Variants in AMTN observed in about 807,000 individuals in gnomAD.
The protein encoded by AMTN is amelotin, also known as RSTI689.
Under a neutral mutation model 27.4 loss-of-function variants are expected in AMTN, and 29 were observed. That is an observed-to-expected ratio of 1.06 (90% CI 0.79 to 1.44). AMTN has a LOEUF of 1.44. AMTN is among the 40% of genes most tolerant of loss of function. The probability of loss-of-function intolerance (pLI) is 0.00; values close to 1 mark genes in which losing one functional copy is unlikely to be tolerated. For missense variants in AMTN, 247 were observed against 248.8 expected, an observed-to-expected ratio of 0.99 and a Z score of 0.05; for synonymous variants, 86 against 95.7, an observed-to-expected ratio of 0.90 and a Z score of 0.59.
intron 2 of AMTN, among the ~76,000 whole-genome samples, chr4:70,520,077 G>A (rs1431913164): frequency 7.0e-6 from 1 of 143,106 alleles, no homozygotes; most frequent in African/African-American, 2.6e-5. Flanking sequence ...CTTCAAAATA[G>A]TTTCTCTAGT....
rs1288491823 is a variant in AMTN at position 70,532,390 on chromosome 4, G to C, written c.620-65G>C. ...CCTGCAAAAGAAACTTGGATCTCAA[G>C]TAAAAGATATTTATGTTAAATATAC... On this transcript the variant is annotated intron_variant, in intron 8 of 8. Transcript: ENST00000339336. 8.2e-6 allele frequency: 11 copies of C among 1,336,084 alleles called. 1 individual carries two copies. The Admixed American group carries it at 1.8e-4, about 22-fold the overall frequency. 82.8% of individuals were successfully genotyped at this position (1,336,084 alleles called of 1,614,324 possible).
intron 5 of AMTN, among the ~76,000 whole-genome samples, chr4:70,527,010 C>G (rs1372493629): frequency 6.6e-6 from 1 of 152,126 alleles, no homozygotes; most frequent in African/African-American, 2.4e-5. Context: ...AAAAATGAAC[C>G]ATGCTTGTGA....
chr4:70,523,540 T>C (rs1169684917), intron 3 of AMTN, among the ~76,000 whole-genome samples: 1 of 152,192 alleles, frequency 6.6e-6, no homozygotes, highest in African/African-American at 2.4e-5. Flanking sequence ...TCTTATACAA[T>C]TTGGGAACCT....
rs10645813 is a variant in AMTN, at chr4:70,519,913, C to CGTGTGT, written c.54+1097_54+1102dup. The stretch of plus-strand genomic sequence containing the variant: ...CTTTATCCCAAATACATACTACATA[C>CGTGTGT]GTGTGTGTGTGTGTGTGTGTCTGTG... On this transcript the variant is annotated intron_variant, in intron 2 of 8. Coordinates refer to ENST00000339336, the MANE Select transcript of AMTN (RefSeq NM_212557.4). Among the ~76,000 whole-genome samples, 224 of 147,194 alleles carry CGTGTGT rather than the reference C, an allele frequency of 1.5e-3. 2 individuals carry two copies. The highest frequency in any genetic ancestry group is 2.4e-3 in the Admixed American group (36 of 14,802).
At chr4:70,519,449 G>A (rs561045842) in intron 2 of AMTN, among the ~76,000 whole-genome samples, 1 of 152,112 alleles carries the variant, frequency 6.6e-6, no homozygotes, top group African/African-American at 2.4e-5. Flanking sequence ...CTCTTTGACT[G>A]TTCAAGATGG....
chr4:70,520,768 G>A (rs1735935539), intron 2 of AMTN, among the ~76,000 whole-genome samples: 1 of 152,122 alleles, frequency 6.6e-6, no homozygotes, highest in African/African-American at 2.4e-5. Context: ...GCAGGCTGGT[G>A]GTGCACAGTG....
At chr4:70,520,808 G>C (rs1164455099) in intron 2 of AMTN, among the ~76,000 whole-genome samples, 5 of 152,188 alleles carry the variant, frequency 3.3e-5, no homozygotes, top group Non-Finnish European at 7.3e-5. Context: ...GTTCAGGACA[G>C]CAGTCAGGTT....
chr4:70,524,731 G>C, intron 4 of AMTN, 141 bp from the exon 5 acceptor site: 1 of 759,900 alleles, frequency 1.3e-6, no homozygotes, highest in Non-Finnish European at 2.2e-6. Context: ...TTGTGTCTAA[G>C]TATACATGCA....
chr4:70,526,389 T>G (rs572932344), intron 5 of AMTN, among the ~76,000 whole-genome samples: 1 of 152,132 alleles, frequency 6.6e-6, no homozygotes, highest in Non-Finnish European at 1.5e-5. Flanking sequence ...TTATGAAAAT[T>G]TGGGGGTTTT....
intron 2 of AMTN, among the ~76,000 whole-genome samples, chr4:70,521,241 G>A (rs574371484): frequency 4.6e-5 from 7 of 152,080 alleles, no homozygotes; most frequent in East Asian, 3.9e-4. Context: ...TTAGCTGGAC[G>A]TGGTGGTGTG....
rs1736218876 is a variant in AMTN at position 70,531,298 on chromosome 4, A to T, written c.617A>T (p.Asn206Ile). The T allele has an allele frequency of 6.2e-7, 1 of 1,613,548 alleles. No individual in the cohort carries two copies. The highest frequency in any genetic ancestry group is 1.1e-5 in the South Asian group (1 of 91,080). Residue 206 changes from asparagine to isoleucine, a missense_variant and splice_region_variant, in exon 8 of 9, where the codon AAT (asparagine) becomes ATT (isoleucine). Transcript: ENST00000339336. The part of the protein sequence containing the change: ...AIEEATTESA[N>I]GIQ ...GAGGAAGCCACCACAGAATCAGCAA[A>T]TGGTAAATTCTCCTAGCTTGGAACA...
intron 6 of AMTN, 54 bp from the exon 7 acceptor site, chr4:70,529,130 C>G: frequency 7.0e-7 from 1 of 1,429,092 alleles, no homozygotes; most frequent in Non-Finnish European, 9.4e-7. Context: ...ACATATATTA[C>G]TACAAATACA....
In AMTN at chr4:70,524,973, A is replaced by G; in HGVS notation, c.294+12A>G. ...AACTGCACCCACATGTAAGTTGAAC[A>G]GCTGGACCTTAGTTTTAACATTAGA... On this transcript the variant is annotated intron_variant, in intron 5 of 8. Coordinates refer to ENST00000339336, the MANE Select transcript of AMTN (RefSeq NM_212557.4). The G allele has an allele frequency of 6.2e-7, 1 of 1,610,582 alleles. No individual in the cohort carries two copies. Among genetic ancestry groups the G allele is most frequent in the Non-Finnish European group, 8.5e-7 (1 of 1,177,226 alleles).
intron 7 of AMTN, among the ~76,000 whole-genome samples, chr4:70,529,508 AT>A (rs1736168914): frequency 6.6e-6 from 1 of 152,202 alleles, no homozygotes; most frequent in African/African-American, 2.4e-5. Flanking sequence ...TCAGTCTAGG[AT>A]TATAAACTAT....
chr4:70,531,097 C>G lies in AMTN; in HGVS notation c.416C>G (p.Thr139Ser), dbSNP rs1736211335. ...HSLFPGGILPTSQAGANPDVQ... is the reference protein window; with the variant it reads ...HSLFPGGILPSSQAGANPDVQ... ...TTGTTCCCGGGAGGCATCCTGCCCACCAGTCAGGCAGGGGCTAATCCAGAT... is the reference window on the plus strand; with the variant it reads ...TTGTTCCCGGGAGGCATCCTGCCCAGCAGTCAGGCAGGGGCTAATCCAGAT... Residue 139 changes from threonine (T) to serine (S), a missense_variant, in exon 8 of 9, where the codon ACC becomes AGC. Physicochemically the swap from Thr to Ser is moderately conservative, Grantham distance 58 (BLOSUM62 1). Transcript: ENST00000339336. 6.2e-7 allele frequency: 1 copy of G among 1,613,934 alleles called. No homozygotes were observed. Among genetic ancestry groups the G allele is most frequent in the Admixed American group, 1.7e-5 (1 of 59,996 alleles).
intron 5 of AMTN, 24 bp downstream of exon 5, chr4:70,524,985 G>A: frequency 6.2e-7 from 1 of 1,602,316 alleles, no homozygotes; most frequent in Non-Finnish European, 8.5e-7. Flanking sequence ...CTGGACCTTA[G>A]TTTTAACATT....
chr4:70,524,279 A>T (rs532754338), intron 4 of AMTN, among the ~76,000 whole-genome samples: 3 of 152,276 alleles, frequency 2.0e-5, no homozygotes, highest in African/African-American at 7.2e-5. Context: ...ATTATCACCC[A>T]CAATGACAGG....
Position 70,523,870 on chromosome 4 carries a change from C to G in AMTN, c.141C>G (p.Val47=), listed in dbSNP as rs140471397. ...ACATCACTTTCAATCCCCTGCAGGTCTTTCCTTCTTTAAGTCTGATACCAT... is the reference window on the plus strand; with the variant it reads ...ACATCACTTTCAATCCCCTGCAGGTGTTTCCTTCTTTAAGTCTGATACCAT... ...TLPNQQQSNQ[V]FPSLSLIPLT... Residue 47 remains valine, a splice_region_variant and synonymous_variant, in exon 4 of 9, where the codon GTC becomes GTG. Coordinates refer to ENST00000339336, the MANE Select transcript of AMTN (RefSeq NM_212557.4). 8.7e-5 allele frequency: 140 copies of G among 1,613,462 alleles called. 1 individual carries two copies. Among genetic ancestry groups the G allele is most frequent in the Non-Finnish European group, 9.6e-5 (113 of 1,179,578 alleles).
chr4:70,523,987 T>C, intron 4 of AMTN, 54 bp downstream of exon 4: 1 of 1,463,322 alleles, frequency 6.8e-7, no homozygotes, highest in South Asian at 1.2e-5. Context: ...ATATAATGCC[T>C]AATATTACAG....
Sources: gnomAD v4.1 joint callset for allele counts (sites outside exome capture counted in the v4.1 genomes callset) on GRCh38, gnomAD v4.1.1 for gene constraint, MANE v1.5 for transcripts, NCBI Gene and HGNC (gene_info 2026-07-23, HGNC 2026-07-21) for gene names.